The following SCP2 variants were observed in gnomAD, a reference collection of about 807,000 sequenced individuals.
The protein encoded by SCP2 is sterol carrier protein 2.
Under a neutral mutation model 71.4 loss-of-function variants are expected in SCP2, and 48 were observed. The observed-to-expected ratio is 0.67, with a 90% CI of 0.53 to 0.86. SCP2 has a LOEUF of 0.86. SCP2 is among the 40% of genes least tolerant of loss of function. The pLI is 0.00. For missense variants in SCP2, 560 were observed against 655.6 expected, an observed-to-expected ratio of 0.85 and a Z score of 1.59; for synonymous variants, 220 against 218.1, an observed-to-expected ratio of 1.01 and a Z score of -0.08.
At chr1:52,976,299 G>A (rs2150166412) in intron 7 of SCP2, among the ~76,000 whole-genome samples, 1 of 152,034 alleles carries the variant, frequency 6.6e-6, no homozygotes, top group East Asian at 1.9e-4. Flanking sequence ...CTTCTCAGAG[G>A]TTGAGCTGGC....
At chr1:52,953,410 A>G (rs2150129580) in intron 4 of SCP2, among the ~76,000 whole-genome samples, 1 of 152,150 alleles carries the variant, frequency 6.6e-6, no homozygotes, top group South Asian at 2.1e-4. Flanking sequence ...GCATGATCTC[A>G]GCTCCTGCCA....
chr1:53,003,931 C>T lies in SCP2; in HGVS notation c.1082-10959C>T, dbSNP rs977957171. On this transcript the variant is annotated intron_variant, in intron 11 of 15. Coordinates refer to ENST00000371514, the MANE Select transcript of SCP2 (RefSeq NM_002979.5). ...TTCCCTTAAAGTTGGGAACTTCCAC[C>T]TTTTCATTTAAAGGAAGCACTTGTA... is the stretch of plus-strand genomic sequence containing the variant. 6.6e-5 allele frequency among the ~76,000 whole-genome samples: 10 copies of T among 152,310 alleles called. No individual in the cohort carries two copies. The East Asian group carries it at 1.9e-3, about 29-fold the overall frequency.
At chr1:52,993,596 T>G in intron 11 of SCP2, 1 of 1,606,970 alleles carries the variant, frequency 6.2e-7, no homozygotes, top group Non-Finnish European at 8.5e-7. Context: ...AAGCTCTTCT[T>G]GTCCTGCTGT....
At chr1:53,033,357 C>A (rs2150252935) in intron 13 of SCP2, among the ~76,000 whole-genome samples, 1 of 152,282 alleles carries the variant, frequency 6.6e-6, no homozygotes, top group East Asian at 1.9e-4. Context: ...AATCCCAGCA[C>A]TTTGGAAGGC....
chr1:53,029,279 T>C (rs1662354271), intron 13 of SCP2, among the ~76,000 whole-genome samples: 1 of 151,878 alleles, frequency 6.6e-6, no homozygotes, highest in Non-Finnish European at 1.5e-5. Context: ...TTTTTTTTTT[T>C]TTGAAACAGA....
chr1:52,998,632 C>A (rs1660099140), intron 11 of SCP2, among the ~76,000 whole-genome samples: 1 of 152,062 alleles, frequency 6.6e-6, no homozygotes, highest in Non-Finnish European at 1.5e-5. Flanking sequence ...CTGTGTCTGT[C>A]CATACTTTTG....
At chr1:53,025,231 G>GCTCTT (rs113982559) in intron 12 of SCP2, among the ~76,000 whole-genome samples, 20,803 of 152,034 alleles carry the variant, frequency 0.14, 2,015 homozygotes, top group East Asian at 0.32. Context: ...ATGACACCAT[G>GCTCTT]CTGGTTTTCC....
chr1:53,022,419 T>C (rs1449298442), intron 12 of SCP2, among the ~76,000 whole-genome samples: 3 of 152,250 alleles, frequency 2.0e-5, no homozygotes, highest in African/African-American at 4.8e-5. Flanking sequence ...TATTTCATTG[T>C]TCTTTGCATT....
chr1:52,999,610 G>A (rs1038272559), intron 11 of SCP2, among the ~76,000 whole-genome samples: 1 of 152,072 alleles, frequency 6.6e-6, no homozygotes, highest in Middle Eastern at 3.2e-3. Flanking sequence ...TTTGAATTGA[G>A]TATTCTTTTG....
At chr1:53,010,883 A>G (rs1660946264) in intron 11 of SCP2, among the ~76,000 whole-genome samples, 1 of 152,130 alleles carries the variant, frequency 6.6e-6, no homozygotes, top group African/African-American at 2.4e-5. Flanking sequence ...CATCTCTCCC[A>G]AAACCTATAA....
intron 2 of SCP2, among the ~76,000 whole-genome samples, chr1:52,947,652 T>C (rs1572065388): frequency 6.6e-6 from 1 of 152,226 alleles, no homozygotes; most frequent in Admixed American, 6.5e-5. Context: ...TGACAGTCTT[T>C]CTCATTTTAC....
chr1:53,051,505 T>C lies in SCP2; in HGVS notation c.*801T>C, dbSNP rs1220893068. 1 of 152,226 alleles carries C rather than the reference T, an allele frequency of 6.6e-6. No homozygotes were observed. Among genetic ancestry groups the C allele is most frequent in the Non-Finnish European group, 1.5e-5 (1 of 68,040 alleles). The allele number at this position is 152,226 out of a possible 1,614,324, so 9.4% of individuals were successfully genotyped here. ...AATTATCTGCATTTATCTTTTTTCCTAGTTTTTCTAATACTAATGTTATTT... is the reference window on the plus strand; with the variant it reads ...AATTATCTGCATTTATCTTTTTTCCCAGTTTTTCTAATACTAATGTTATTT... On this transcript the variant is annotated 3_prime_UTR_variant, in exon 16 of 16. Transcript: ENST00000371514.
At chr1:52,989,141 C>A (rs1360287179) in intron 11 of SCP2, among the ~76,000 whole-genome samples, 1 of 152,116 alleles carries the variant, frequency 6.6e-6, no homozygotes, top group Non-Finnish European at 1.5e-5. Flanking sequence ...TATATTATAA[C>A]CCTCACAATA....
intron 6 of SCP2, among the ~76,000 whole-genome samples, chr1:52,969,313 G>T (rs1017882564): frequency 1.3e-5 from 2 of 151,904 alleles, no homozygotes; most frequent in African/African-American, 4.8e-5. Flanking sequence ...GATCGCTTGA[G>T]CCCAGGAGTT....
chr1:52,943,214 A>G (rs1272835914), intron 2 of SCP2, among the ~76,000 whole-genome samples: 1 of 151,264 alleles, frequency 6.6e-6, no homozygotes, highest in Non-Finnish European at 1.5e-5. Flanking sequence ...ATGGTTCCCA[A>G]CATGGTGGGT....
In SCP2 at chr1:53,049,852, A is replaced by G. The variant is rs77069307; in HGVS notation, c.1549-757A>G. 412 of 152,294 alleles carry G rather than the reference A, an allele frequency of 2.7e-3. 3 individuals carry two copies. The highest frequency in any genetic ancestry group is 9.3e-3 in the African/African-American group (386 of 41,554). 9.4% of individuals were successfully genotyped at this position (152,294 alleles called of 1,614,324 possible). A position where few individuals can be genotyped will look rare whatever the true frequency, so the allele number is the denominator to read the frequency against. The stretch of plus-strand genomic sequence containing the variant: ...ATGTAGAAGAGCTCCTAGCTTCTTA[A>G]TGTACTGTTAAAAACCTAGGACTAC... On this transcript the variant is annotated intron_variant, in intron 15 of 15. Coordinates refer to ENST00000371514, the MANE Select transcript of SCP2 (RefSeq NM_002979.5).
chr1:52,934,713 C>T (rs1349941890), intron 1 of SCP2, among the ~76,000 whole-genome samples: 1 of 143,050 alleles, frequency 7.0e-6, no homozygotes, highest in Admixed American at 7.2e-5. Flanking sequence ...CCTGGGTTCA[C>T]GCCATTCTCC....
chr1:52,999,891 A>G (rs1020050643), intron 11 of SCP2, among the ~76,000 whole-genome samples: 1 of 142,830 alleles, frequency 7.0e-6, no homozygotes, highest in African/African-American at 2.7e-5. Context: ...ATCTCAGCTC[A>G]TTGCAACCTC....
chr1:53,015,626 C>T (rs1038516441), intron 12 of SCP2, among the ~76,000 whole-genome samples: 4 of 152,188 alleles, frequency 2.6e-5, no homozygotes, highest in Non-Finnish European at 5.9e-5. Flanking sequence ...GCTCAGCTTT[C>T]CTTGTTCCAT....
Sources: gnomAD v4.1 joint callset for allele counts (sites outside exome capture counted in the v4.1 genomes callset) on GRCh38, gnomAD v4.1.1 for gene constraint, MANE v1.5 for transcripts, NCBI Gene and HGNC (gene_info 2026-07-23, HGNC 2026-07-21) for gene names.